The following STPG4 variants were observed in gnomAD, a reference collection of about 807,000 sequenced individuals.
The protein encoded by STPG4 is sperm-tail PG-rich repeat containing 4.
In STPG4, 41 loss-of-function variants were observed where a neutral mutation model predicts 31.5. That is an observed-to-expected ratio of 1.30 (90% CI 1.01 to 1.69). The LOEUF (loss-of-function observed/expected upper bound fraction) is 1.69. Among genes scored for constraint, STPG4 ranks in the 40% most tolerant of loss-of-function variants. The probability of loss-of-function intolerance (pLI) is 0.00; values close to 1 mark genes in which losing one functional copy is unlikely to be tolerated. For synonymous variants in STPG4, 141 were observed against 103.0 expected, an observed-to-expected ratio of 1.37 and a Z score of -2.24; for missense variants, 375 against 293.4, an observed-to-expected ratio of 1.28 and a Z score of -2.03.
chr2:47,129,186 T>A (rs1225101038), intron 5 of STPG4: 1 of 152,154 alleles, frequency 6.6e-6, no homozygotes, highest in Non-Finnish European at 1.5e-5. Context: ...CTCTCCCCTC[T>A]CCTCCTCTCA....
At chr2:47,136,516 G>C (rs1015726654) in intron 3 of STPG4, among the ~76,000 whole-genome samples, 1 of 152,108 alleles carries the variant, frequency 6.6e-6, no homozygotes, top group Non-Finnish European at 1.5e-5. Context: ...TATTTTGTTA[G>C]ATTTATACCT....
chr2:47,149,727 G>A (rs1445711118), intron 3 of STPG4, among the ~76,000 whole-genome samples: 1 of 152,206 alleles, frequency 6.6e-6, no homozygotes, highest in Non-Finnish European at 1.5e-5. Flanking sequence ...ATGAAGTTAT[G>A]AAGATTGATA....
intron 3 of STPG4, among the ~76,000 whole-genome samples, chr2:47,147,709 G>T (rs955156793): frequency 6.6e-6 from 1 of 152,102 alleles, no homozygotes; most frequent in African/African-American, 2.4e-5. Flanking sequence ...GGAATAAGGG[G>T]AGTAACCCAG....
intron 5 of STPG4, among the ~76,000 whole-genome samples, chr2:47,096,736 A>G (rs762929633): frequency 6.6e-6 from 1 of 152,210 alleles, no homozygotes; most frequent in Non-Finnish European, 1.5e-5. Context: ...TAGGCCAGAG[A>G]TTCTGGCAGA....
At chr2:47,126,537 G>C (rs1686369211) in intron 5 of STPG4, among the ~76,000 whole-genome samples, 1 of 152,052 alleles carries the variant, frequency 6.6e-6, no homozygotes. Flanking sequence ...ATGTTGCCTA[G>C]GCTGGTCTTG....
chr2:47,091,907 T>C (rs1166441079), intron 5 of STPG4, among the ~76,000 whole-genome samples: 1 of 151,696 alleles, frequency 6.6e-6, no homozygotes, highest in Non-Finnish European at 1.5e-5. Context: ...AAATAATGGA[T>C]GATATGTGCC....
In STPG4 at chr2:47,129,936, C is replaced by T; in HGVS notation, c.519+5G>A. 6.2e-7 allele frequency: 1 copy of T among 1,612,304 alleles called. No homozygotes were observed. The highest frequency in any genetic ancestry group is 8.5e-7 in the Non-Finnish European group (1 of 1,179,096). ...TCATGAGTTAACTGTCTACATTATA[C>T]TTACGGGAATAAAATAGGTTGTTGG... is the stretch of plus-strand genomic sequence containing the variant. On this transcript the variant is annotated splice_donor_5th_base_variant and intron_variant, in intron 5 of 6. Coordinates refer to ENST00000445927, the MANE Select transcript of STPG4 (RefSeq NM_001163561.2).
At chr2:47,100,692 C>A (rs1200338805) in intron 5 of STPG4, among the ~76,000 whole-genome samples, 1 of 151,680 alleles carries the variant, frequency 6.6e-6, no homozygotes, top group Non-Finnish European at 1.5e-5. Context: ...CCGCGAAGGT[C>A]TGCAGCTTCA....
At chr2:47,141,025 T>C (rs1247648582) in intron 3 of STPG4, among the ~76,000 whole-genome samples, 1 of 152,012 alleles carries the variant, frequency 6.6e-6, no homozygotes, top group Non-Finnish European at 1.5e-5. Flanking sequence ...TAGCTGTGAC[T>C]ACAGGTGTGT....
At chr2:47,088,051 C>A (rs374857781) in intron 6 of STPG4, among the ~76,000 whole-genome samples, 1 of 152,076 alleles carries the variant, frequency 6.6e-6, no homozygotes, top group Non-Finnish European at 1.5e-5. Flanking sequence ...CAGCACCCAG[C>A]CGGGGTTTTT....
chr2:47,147,114 C>T (rs187686609), intron 3 of STPG4, among the ~76,000 whole-genome samples: 102 of 152,006 alleles, frequency 6.7e-4, no homozygotes, highest in African/African-American at 2.1e-3. Flanking sequence ...ACTGTAGCCT[C>T]GGTGACAGTG....
At chr2:47,140,150 G>A (rs566968541) in intron 3 of STPG4, among the ~76,000 whole-genome samples, 12 of 152,152 alleles carry the variant, frequency 7.9e-5, no homozygotes, top group African/African-American at 2.9e-4. Flanking sequence ...TCTGTACTGT[G>A]AATTTCACAA....
intron 5 of STPG4, among the ~76,000 whole-genome samples, chr2:47,113,510 T>C (rs905511019): frequency 2.6e-5 from 4 of 152,164 alleles, no homozygotes; most frequent in African/African-American, 9.7e-5. Flanking sequence ...TTAAAACAAC[T>C]AATATGTTAA....
intron 5 of STPG4, among the ~76,000 whole-genome samples, chr2:47,118,779 G>A (rs932151779): frequency 6.6e-6 from 1 of 152,206 alleles, no homozygotes; most frequent in Non-Finnish European, 1.5e-5. Context: ...GATTACATGA[G>A]ACAGTCTATG....
At chr2:47,151,045 G>A (rs990946456) in intron 3 of STPG4, among the ~76,000 whole-genome samples, 7 of 151,994 alleles carry the variant, frequency 4.6e-5, no homozygotes, top group Admixed American at 4.6e-4. Flanking sequence ...TTCTCCCCAT[G>A]TACTCCCCTT....
intron 5 of STPG4, among the ~76,000 whole-genome samples, chr2:47,110,379 A>T (rs1686011120): frequency 6.6e-6 from 1 of 152,178 alleles, no homozygotes; most frequent in South Asian, 2.1e-4. Context: ...AGATCACTCG[A>T]GGTCAGGAGT....
At chr2:47,099,421 C>T (rs535675328) in intron 5 of STPG4, among the ~76,000 whole-genome samples, 1 of 152,226 alleles carries the variant, frequency 6.6e-6, no homozygotes, top group African/African-American at 2.4e-5. Flanking sequence ...AGGAGCAGGA[C>T]TAGGAAGTTC....
chr2:47,141,362 T>C (rs1686701068), intron 3 of STPG4, among the ~76,000 whole-genome samples: 1 of 151,594 alleles, frequency 6.6e-6, no homozygotes, highest in African/African-American at 2.4e-5. Flanking sequence ...AGAAAACATA[T>C]CCAATGATAC....
At chr2:47,135,921 G>A (rs1686586685) in intron 3 of STPG4, among the ~76,000 whole-genome samples, 1 of 152,152 alleles carries the variant, frequency 6.6e-6, no homozygotes, top group African/African-American at 2.4e-5. Flanking sequence ...GGTAGTGTCA[G>A]TCCTCTAACT....
Sources: gnomAD v4.1 joint callset for allele counts (sites outside exome capture counted in the v4.1 genomes callset) on GRCh38, gnomAD v4.1.1 for gene constraint, MANE v1.5 for transcripts, NCBI Gene and HGNC (gene_info 2026-07-23, HGNC 2026-07-21) for gene names.